The following ADAM18 variants were observed in gnomAD, a reference collection of about 807,000 sequenced individuals.
The protein encoded by ADAM18 is disintegrin and metalloproteinase domain-containing protein 18.
ADAM18 carries 117 observed loss-of-function variants against 94.4 expected under a neutral mutation model. The ratio of observed to expected loss-of-function variants is 1.24; its 90% CI spans 1.07 to 1.45. The LOEUF (loss-of-function observed/expected upper bound fraction) is 1.45, where lower values mean the gene tolerates loss of function less well. ADAM18 is among the 40% of genes most tolerant of loss of function. The pLI is 0.00. For synonymous variants in ADAM18, 327 were observed against 291.6 expected, an observed-to-expected ratio of 1.12 and a Z score of -1.24; for missense variants, 936 against 880.0, an observed-to-expected ratio of 1.06 and a Z score of -0.81.
intron 12 of ADAM18, among the ~76,000 whole-genome samples, chr8:39,663,267 C>T (rs551788571): frequency 2.0e-5 from 3 of 151,862 alleles, no homozygotes; most frequent in Non-Finnish European, 4.4e-5. Flanking sequence ...AGTTCTTACA[C>T]TTGCATGTAC....
At position 39,593,378 on chromosome 8, in the gene ADAM18, G is replaced by A. The variant is rs1818636645; in HGVS notation, c.132+8026G>A. The stretch of plus-strand genomic sequence containing the variant: ...CAAAATTCCAATGGCATTCGTCACA[G>A]AAATACAAAATACAATGCTAAATTT... On this transcript the variant is annotated intron_variant, in intron 2 of 19. Transcript: ENST00000265707. Among the ~76,000 whole-genome samples the A allele has an allele frequency of 3.3e-5, 5 of 152,048 alleles. No homozygotes were observed. The South Asian group carries it at 1.0e-3, about 31-fold the overall frequency.
At chr8:39,720,889 C>G (rs1431891900) in intron 18 of ADAM18, among the ~76,000 whole-genome samples, 1 of 151,356 alleles carries the variant, frequency 6.6e-6, no homozygotes, top group Non-Finnish European at 1.5e-5. Context: ...ATCTGATTTT[C>G]AAACATAATG....
chr8:39,720,760 C>T (rs936466377), intron 18 of ADAM18, among the ~76,000 whole-genome samples: 1 of 151,242 alleles, frequency 6.6e-6, no homozygotes, highest in Non-Finnish European at 1.5e-5. Context: ...AAAATGAAGA[C>T]ACTCATTTAC....
chr8:39,708,832 G>A (rs1186566437), intron 18 of ADAM18, among the ~76,000 whole-genome samples: 1 of 152,144 alleles, frequency 6.6e-6, no homozygotes, highest in Non-Finnish European at 1.5e-5. Flanking sequence ...GGGTGCAGGG[G>A]CCAAGGTGCA....
At chr8:39,713,758 T>A (rs1404344584) in intron 18 of ADAM18, among the ~76,000 whole-genome samples, 1 of 151,864 alleles carries the variant, frequency 6.6e-6, no homozygotes, top group Non-Finnish European at 1.5e-5. Context: ...CTCACACCAG[T>A]TAGAATGGCA....
chr8:39,627,489 A>C (rs1819804139), intron 6 of ADAM18, among the ~76,000 whole-genome samples: 1 of 152,052 alleles, frequency 6.6e-6, no homozygotes, highest in African/African-American at 2.4e-5. Flanking sequence ...TTGTCTTTTA[A>C]AACTGTTTTT....
chr8:39,611,070 T>A, intron 6 of ADAM18: 1 of 1,012,708 alleles, frequency 9.9e-7, no homozygotes, highest in Non-Finnish European at 1.2e-6. Flanking sequence ...CTTTCTAAAA[T>A]GCACAGCCAT....
At chr8:39,727,124 G>A (rs1408447634) in intron 19 of ADAM18, among the ~76,000 whole-genome samples, 1 of 152,002 alleles carries the variant, frequency 6.6e-6, no homozygotes, top group Non-Finnish European at 1.5e-5. Flanking sequence ...TTTCCTATTA[G>A]CCTCTGACCT....
chr8:39,681,305 G>A (rs1299294732), intron 16 of ADAM18, among the ~76,000 whole-genome samples: 3 of 152,110 alleles, frequency 2.0e-5, no homozygotes, highest in African/African-American at 7.2e-5. Context: ...GCCTGTGAGG[G>A]ACTGAATTCT....
At chr8:39,624,254 C>A (rs1158417419) in intron 6 of ADAM18, among the ~76,000 whole-genome samples, 1 of 152,124 alleles carries the variant, frequency 6.6e-6, no homozygotes, top group Admixed American at 6.6e-5. Context: ...TTTTCCTAAG[C>A]TTTCTTCTAG....
In ADAM18 at chr8:39,635,823, C is replaced by T. The variant is rs554206289; in HGVS notation, c.589-1441C>T. 1.7e-4 allele frequency among the ~76,000 whole-genome samples: 26 copies of T among 152,102 alleles called. No homozygotes were observed. In the South Asian group the frequency reaches 5.0e-3, roughly 29 times the overall value. ...TTTTCTCGTGGTTACATTGAGAATC[C>T]GTTTTATGTTTGACAAGAATATCCA... On this transcript the variant is annotated intron_variant, in intron 7 of 19. Transcript: ENST00000265707.
chr8:39,671,264 A>G (rs191939652), intron 14 of ADAM18, among the ~76,000 whole-genome samples: 76 of 152,314 alleles, frequency 5.0e-4, no homozygotes, highest in African/African-American at 1.8e-3. Flanking sequence ...CTCTCAGCAG[A>G]TTGGGATAGT....
chr8:39,610,417 A>G (rs1003907480), intron 5 of ADAM18, 112 bp from the exon 6 acceptor site: 7 of 1,262,056 alleles, frequency 5.5e-6, no homozygotes, highest in African/African-American at 3.1e-5. Context: ...TGGGCTTAAA[A>G]TGTGTTCTTT....
intron 14 of ADAM18, among the ~76,000 whole-genome samples, chr8:39,674,524 T>G (rs1361198021): frequency 6.6e-6 from 1 of 152,192 alleles, no homozygotes; most frequent in Non-Finnish European, 1.5e-5. Context: ...TCTTTGCATG[T>G]GAGATGAGTC....
intron 6 of ADAM18, among the ~76,000 whole-genome samples, chr8:39,619,237 A>T (rs940529025): frequency 6.6e-6 from 1 of 152,224 alleles, no homozygotes; most frequent in African/African-American, 2.4e-5. Context: ...TCAACACCTC[A>T]CTTTCAGTAT....
intron 6 of ADAM18, among the ~76,000 whole-genome samples, chr8:39,627,432 ATTACCATAT>A (rs201691019): frequency 0.01 from 1,523 of 152,114 alleles, 30 homozygotes; most frequent in African/African-American, 0.035. Context: ...GATGGGGATT[ATTACCATAT>A]TTAGGTGGGG....
At chr8:39,597,277 T>C in intron 2 of ADAM18, among the ~76,000 whole-genome samples, 1 of 152,174 alleles carries the variant, frequency 6.6e-6, no homozygotes, top group East Asian at 1.9e-4. Context: ...TTTTCAGTTT[T>C]AATTAAATCC....
At chr8:39,663,091 T>C (rs778123454) in intron 12 of ADAM18, among the ~76,000 whole-genome samples, 30 of 152,198 alleles carry the variant, frequency 2.0e-4, no homozygotes, top group Non-Finnish European at 4.4e-5. Context: ...GAATCCTTAG[T>C]AAACAAATCA....
Position 39,715,389 on chromosome 8 carries a change from T to C in ADAM18, c.2018-8359T>C, listed in dbSNP as rs145629524. ...AATATCTAAAGTCAGAAATTTAAGCTTTCACCTTAGCAAACTAGGGAAAGA... is the reference window on the plus strand; with the variant it reads ...AATATCTAAAGTCAGAAATTTAAGCCTTCACCTTAGCAAACTAGGGAAAGA... On this transcript the variant is annotated intron_variant, in intron 18 of 19. Coordinates refer to ENST00000265707, the MANE Select transcript of ADAM18 (RefSeq NM_014237.3). 2.0e-5 allele frequency among the ~76,000 whole-genome samples: 3 copies of C among 151,734 alleles called. No individual in the cohort carries two copies. In the East Asian group the frequency reaches 5.8e-4, roughly 29 times the overall value.
Sources: gnomAD v4.1 joint callset for allele counts (sites outside exome capture counted in the v4.1 genomes callset) on GRCh38, gnomAD v4.1.1 for gene constraint, MANE v1.5 for transcripts, NCBI Gene and HGNC (gene_info 2026-07-23, HGNC 2026-07-21) for gene names.